FOCAD: variants seen among roughly 807,000 people sequenced by gnomAD.
The protein encoded by FOCAD is focadhesin, also known as KIAA1797.
FOCAD carries 198 observed loss-of-function variants against 225.6 expected under a neutral mutation model. That is an observed-to-expected ratio of 0.88 (90% CI 0.78 to 0.99). The LOEUF (loss-of-function observed/expected upper bound fraction) is 0.99, where lower values mean the gene tolerates loss of function less well. Among genes scored for constraint, FOCAD ranks in the 50% least tolerant of loss-of-function variants. FOCAD has a pLI of 0.00. For missense variants in FOCAD, 2,713 were observed against 2,123.6 expected, an observed-to-expected ratio of 1.28 and a Z score of -5.46; for synonymous variants, 897 against 755.0, an observed-to-expected ratio of 1.19 and a Z score of -3.08.
At chr9:20,844,650 T>C (rs1010090927) in intron 15 of FOCAD, among the ~76,000 whole-genome samples, 1 of 151,998 alleles carries the variant, frequency 6.6e-6, no homozygotes, top group Non-Finnish European at 1.5e-5. Flanking sequence ...TGTGAGCCAC[T>C]GTACCCGGCC....
At chr9:20,716,067 C>G (rs951585237) in intron 2 of FOCAD, 1 of 441,986 alleles carries the variant, frequency 2.3e-6, no homozygotes, top group African/African-American at 2.0e-5. Flanking sequence ...ACCTTGGATA[C>G]TTTCAACAAT....
intron 30 of FOCAD, among the ~76,000 whole-genome samples, 166 bp downstream of exon 30, chr9:20,946,986 T>G (rs1258650842): frequency 2.0e-5 from 3 of 152,210 alleles, no homozygotes; most frequent in African/African-American, 7.2e-5. Context: ...AAGTCACAGA[T>G]GTCTTTTTCT....
chr9:20,856,452 T>C (rs1476497367), intron 15 of FOCAD, among the ~76,000 whole-genome samples: 2 of 152,050 alleles, frequency 1.3e-5, no homozygotes, highest in African/African-American at 2.4e-5. Flanking sequence ...TTATTTCTTA[T>C]TGAGTTGTTT....
At position 20,912,876 on chromosome 9, in the gene FOCAD, G is replaced by A; in HGVS notation, c.2729G>A (p.Gly910Glu). 1 of 1,613,108 alleles carries A rather than the reference G, an allele frequency of 6.2e-7. No homozygotes were observed. Among genetic ancestry groups the A allele is most frequent in the Middle Eastern group, 1.7e-4 (1 of 6,032 alleles). Residue 910 changes from glycine to glutamate, a missense_variant, in exon 23 of 44, where the codon GGA becomes GAA. Coordinates refer to ENST00000338382, the MANE Select transcript of FOCAD (RefSeq NM_001375567.1). The part of the protein sequence containing the change: ...AYHAILQGRL[G>E]ELELQLKHGK... ...CTGTGATTTTTGCAGGGAAGACTAG[G>A]AGAGCTGGAGTTGCAGTTAAAACAT...
At chr9:20,878,832 A>G (rs1424196267) in intron 19 of FOCAD, among the ~76,000 whole-genome samples, 1 of 152,126 alleles carries the variant, frequency 6.6e-6, no homozygotes, top group Admixed American at 6.5e-5. Context: ...GTAACTCTCA[A>G]TCTGAGGCCA....
chr9:20,959,791 TC>T (rs745697663), intron 35 of FOCAD, among the ~76,000 whole-genome samples: 1 of 152,200 alleles, frequency 6.6e-6, no homozygotes, highest in Non-Finnish European at 1.5e-5. Context: ...GAACAGACTG[TC>T]CTTTCCCCAC....
intron 21 of FOCAD, among the ~76,000 whole-genome samples, chr9:20,890,945 A>G (rs1292616140): frequency 3.3e-5 from 5 of 152,086 alleles, no homozygotes; most frequent in Admixed American, 3.3e-4. Context: ...ATTTTTTACA[A>G]ATTGAAGGTT....
At chr9:20,802,232 TTC>T (rs1821924484) in intron 11 of FOCAD, among the ~76,000 whole-genome samples, 1 of 152,160 alleles carries the variant, frequency 6.6e-6, no homozygotes, top group Non-Finnish European at 1.5e-5. Context: ...AATGGATTAC[TTC>T]TACATTGAAA....
chr9:20,922,703 T>A (rs1184381415), intron 24 of FOCAD, among the ~76,000 whole-genome samples: 1 of 152,188 alleles, frequency 6.6e-6, no homozygotes, highest in African/African-American at 2.4e-5. Flanking sequence ...GATTCGGGTT[T>A]GAAGTCCAAA....
intron 5 of FOCAD, among the ~76,000 whole-genome samples, chr9:20,744,797 T>C (rs752444747): frequency 6.6e-6 from 1 of 152,138 alleles, no homozygotes; most frequent in Non-Finnish European, 1.5e-5. Flanking sequence ...ATAAATAAAG[T>C]TTTTATGTGA....
At chr9:20,808,817 T>C (rs763847222) in intron 11 of FOCAD, among the ~76,000 whole-genome samples, 1 of 152,252 alleles carries the variant, frequency 6.6e-6, no homozygotes, top group African/African-American at 2.4e-5. Flanking sequence ...CTACTAGTTC[T>C]ATGTCCTTTG....
chr9:20,685,092 A>G (rs1822581268), intron 1 of FOCAD, among the ~76,000 whole-genome samples: 1 of 151,948 alleles, frequency 6.6e-6, no homozygotes, highest in Admixed American at 6.6e-5. Context: ...AACTTTTTTG[A>G]TGGATGCCTT....
At chr9:20,838,135 C>T (rs530553330) in intron 15 of FOCAD, among the ~76,000 whole-genome samples, 52 of 152,006 alleles carry the variant, frequency 3.4e-4, no homozygotes, top group South Asian at 4.1e-4. Context: ...AGTTTAGAAA[C>T]GTTATAGTTG....
Position 20,907,262 on chromosome 9 carries a change from G to T in FOCAD, c.2718+20G>T. On this transcript the variant is annotated intron_variant, in intron 22 of 43. Coordinates refer to ENST00000338382, the MANE Select transcript of FOCAD (RefSeq NM_001375567.1). ...TTACAGGTAATGAAACCACAGGATA[G>T]GTTTGCTTTGGCGAAATGTCTCCTT... 1 of 1,595,976 alleles carries T rather than the reference G, an allele frequency of 6.3e-7. No individual in the cohort carries two copies. The highest frequency in any genetic ancestry group is 8.6e-7 in the Non-Finnish European group (1 of 1,164,422).
At chr9:20,779,990 T>C (rs1274478673) in intron 9 of FOCAD, among the ~76,000 whole-genome samples, 1 of 152,180 alleles carries the variant, frequency 6.6e-6, no homozygotes, top group Non-Finnish European at 1.5e-5. Context: ...GCCTTTTTCT[T>C]ATAGCAGTGC....
At chr9:20,818,687 G>T (rs1033361233) in intron 11 of FOCAD, among the ~76,000 whole-genome samples, 2 of 151,278 alleles carry the variant, frequency 1.3e-5, no homozygotes, top group Non-Finnish European at 2.9e-5. Context: ...ATAAATATAA[G>T]TACTCATTTC....
chr9:20,905,483 A>G (rs1252102535), intron 21 of FOCAD, among the ~76,000 whole-genome samples: 2 of 152,004 alleles, frequency 1.3e-5, no homozygotes, highest in Non-Finnish European at 2.9e-5. Context: ...TAGTACAATG[A>G]TATCTATGGA....
At chr9:20,698,910 T>G (rs1823607607) in intron 1 of FOCAD, among the ~76,000 whole-genome samples, 1 of 152,202 alleles carries the variant, frequency 6.6e-6, no homozygotes, top group Non-Finnish European at 1.5e-5. Context: ...AAATGGGAGC[T>G]GAATAGAACT....
intron 27 of FOCAD, among the ~76,000 whole-genome samples, chr9:20,931,921 G>T (rs1036062095): frequency 2.0e-4 from 30 of 151,136 alleles, no homozygotes; most frequent in Non-Finnish European, 3.8e-4. Flanking sequence ...AAAAAAAAAG[G>T]GGGGGAGAAT....
Sources: gnomAD v4.1 joint callset for allele counts (sites outside exome capture counted in the v4.1 genomes callset) on GRCh38, gnomAD v4.1.1 for gene constraint, MANE v1.5 for transcripts, NCBI Gene and HGNC (gene_info 2026-07-23, HGNC 2026-07-21) for gene names.